Variants in CDHR1 observed in about 807,000 individuals in gnomAD.
CDHR1 encodes the protein cadherin-related family member 1.
In CDHR1, 61 loss-of-function variants were observed where a neutral mutation model predicts 72.1. That is an observed-to-expected ratio of 0.85 (90% CI 0.69 to 1.05). The LOEUF (loss-of-function observed/expected upper bound fraction) is 1.05, where lower values mean the gene tolerates loss of function less well. Ranked by LOEUF, CDHR1 falls within the 50% of genes least tolerant of loss-of-function variation. The probability of loss-of-function intolerance (pLI) is 0.00; values close to 1 mark genes in which losing one functional copy is unlikely to be tolerated. For missense variants in CDHR1, 1,186 were observed against 1,115.7 expected, an observed-to-expected ratio of 1.06 and a Z score of -0.90; for synonymous variants, 470 against 448.1, an observed-to-expected ratio of 1.05 and a Z score of -0.62.
chr10:84,211,150 C>A lies in CDHR1; in HGVS notation c.1470C>A (p.Ser490Arg), dbSNP rs150577739. ...CTGAGAACGCCCCAGGGGGCTCCAG[C>A]GTGGTGGCTGTCACAGTGGGTTGGG... ...RIPENAPGGS[S>R]VVAVTAVDPD... Residue 490 changes from serine to arginine, a missense_variant, in exon 13 of 17, where the codon AGC becomes AGA. By Grantham distance (110) the Ser-to-Arg change is moderately radical (BLOSUM62 -1). Transcript: ENST00000623527. 1 of 1,614,220 alleles carries A rather than the reference C, an allele frequency of 6.2e-7. No homozygotes were observed. The highest frequency in any genetic ancestry group is 8.5e-7 in the Non-Finnish European group (1 of 1,180,034).
chr10:84,214,802 C>T lies in CDHR1; in HGVS notation c.*181C>T. On this transcript the variant is annotated 3_prime_UTR_variant, in exon 17 of 17. Coordinates refer to ENST00000623527, the MANE Select transcript of CDHR1 (RefSeq NM_033100.4). ...GGCGCAACAAGAAGTTGCGCTCTGA[C>T]AGGGCTCTAGTCAGGGCCTTGGGCA... 1 of 1,533,880 alleles carries T rather than the reference C, an allele frequency of 6.5e-7. No individual in the cohort carries two copies. The highest frequency in any genetic ancestry group is 8.7e-7 in the Non-Finnish European group (1 of 1,147,770).
At position 84,216,419 on chromosome 10, in the gene CDHR1, G is replaced by A; in HGVS notation, c.*1798G>A. The A allele has an allele frequency of 1.0e-6, 1 of 985,506 alleles. No individual in the cohort carries two copies. 61.0% of individuals were successfully genotyped at this position (985,506 alleles called of 1,614,324 possible). On this transcript the variant is annotated 3_prime_UTR_variant, in exon 17 of 17. Coordinates refer to ENST00000623527, the MANE Select transcript of CDHR1 (RefSeq NM_033100.4). The stretch of plus-strand genomic sequence containing the variant: ...CTTTCCAGCCTGTGTTTCAGGAGAG[G>A]ACTGTGCTGGATCATGCTTGCCCTC...
intron 6 of CDHR1, among the ~76,000 whole-genome samples, chr10:84,201,534 G>A (rs1842125091): frequency 6.6e-6 from 1 of 152,226 alleles, no homozygotes; most frequent in Non-Finnish European, 1.5e-5. Context: ...GCCCAAAGCT[G>A]AGCCCAAGAA....
rs769259985 is a variant in CDHR1 at position 84,205,820 on chromosome 10, T to C, written c.863-7T>C. Reference sequence around the variant, plus strand: ...TGCAGAACTTCAGGGTGCATCTCCCTTGACAGGGAACGATGGAGCCTTTGA... The same window carrying C: ...TGCAGAACTTCAGGGTGCATCTCCCCTGACAGGGAACGATGGAGCCTTTGA... On this transcript the variant is annotated splice_region_variant and splice_polypyrimidine_tract_variant and intron_variant, in intron 9 of 16. Coordinates refer to ENST00000623527, the MANE Select transcript of CDHR1 (RefSeq NM_033100.4). 3 of 1,611,530 alleles carry C rather than the reference T, an allele frequency of 1.9e-6. No homozygotes were observed. The Admixed American group carries it at 5.0e-5, about 27-fold the overall frequency.
rs1404530470 is a variant in CDHR1, at chr10:84,204,555, T to C, written c.812T>C (p.Met271Thr). 1.2e-6 allele frequency: 2 copies of C among 1,613,898 alleles called. No individual in the cohort carries two copies. The highest frequency in any genetic ancestry group is 1.3e-5 in the African/African-American group (1 of 75,018). The change falls in exon 9 of 17, where the codon ATG becomes ACG. Residue 271 changes from methionine (M) to threonine (T), a missense_variant. Transcript: ENST00000623527. ...PGSEVLKVVA[M>T]DGDRGKPNRI... The stretch of plus-strand genomic sequence containing the variant: ...TCGGAGGTACTGAAGGTGGTCGCCA[T>C]GGATGGAGACCGGGGCAAACCCAAT...
Position 84,212,376 on chromosome 10 carries a change from C to T in CDHR1, c.1751C>T (p.Thr584Met), listed in dbSNP as rs754321329. ...TTTGGAAAGAGCGTTCAGAAGAAGA[C>T]GATGGTGCTAGGGACCCCAGTGAAA... ...PQFGKSVQKK[T>M]MVLGTPVKIE... The change falls in exon 15 of 17, where the codon ACG becomes ATG. Residue 584 changes from threonine to methionine, a missense_variant. Transcript: ENST00000623527. The T allele has an allele frequency of 8.6e-5, 139 of 1,614,034 alleles. 1 individual carries two copies. In the Admixed American group the frequency reaches 1.6e-3, roughly 18 times the overall value.
intron 13 of CDHR1, 63 bp from the exon 14 acceptor site, chr10:84,211,585 A>G: frequency 1.4e-6 from 2 of 1,440,748 alleles, no homozygotes; most frequent in Non-Finnish European, 2.0e-6. Flanking sequence ...CCCTCAGGGC[A>G]TGGGAGCTGC....
intron 4 of CDHR1, among the ~76,000 whole-genome samples, chr10:84,198,188 C>A (rs1842060528): frequency 6.6e-6 from 1 of 152,196 alleles, no homozygotes; most frequent in South Asian, 2.1e-4. Context: ...CACTTTCTCT[C>A]AGCGATCATC....
chr10:84,194,749 G>C lies in CDHR1; in HGVS notation c.-12G>C. The C allele has an allele frequency of 6.7e-7, 1 of 1,497,700 alleles. No individual in the cohort carries two copies. Among genetic ancestry groups the C allele is most frequent in the Non-Finnish European group, 8.8e-7 (1 of 1,132,320 alleles). 92.8% of individuals were successfully genotyped at this position (1,497,700 alleles called of 1,614,324 possible). A position where few individuals can be genotyped will look rare whatever the true frequency, so the allele number is the denominator to read the frequency against. ...TCGGCGGCGGCAGGCGACACTCCGCGCCGGCGGAGACATGAGGCGCTGCCG... is the reference window on the plus strand; with the variant it reads ...TCGGCGGCGGCAGGCGACACTCCGCCCCGGCGGAGACATGAGGCGCTGCCG... On this transcript the variant is annotated 5_prime_UTR_variant, in exon 1 of 17. Transcript: ENST00000623527.
At chr10:84,219,011 T>C, downstream of CDHR1, 3 of 670,206 alleles carry the variant, frequency 4.5e-6, no homozygotes, top group Middle Eastern at 6.3e-4. Context: ...CCCTATGAGG[T>C]AAGGACTGTT....
Position 84,199,109 on chromosome 10 carries a change from C to T in CDHR1, c.426C>T (p.Ala142=). ...GGTTCATCCAGGAGCCTTATGTTGC[C>T]CTGGTTCCCGAGGTAAGTGAGGAGC... ...APRFIQEPYV[A]LVPEDIPAGS... The change falls in exon 5 of 17, where the codon GCC becomes GCT. Residue 142 remains alanine, a synonymous_variant. Transcript: ENST00000623527. 2 of 1,551,212 alleles carry T rather than the reference C, an allele frequency of 1.3e-6. No homozygotes were observed. Among genetic ancestry groups the T allele is most frequent in the Non-Finnish European group, 1.7e-6 (2 of 1,146,956 alleles).
At position 84,214,135 on chromosome 10, in the gene CDHR1, C is replaced by G. The variant is rs2132836694; in HGVS notation, c.2094C>G (p.Pro698=). Reference sequence around the variant, plus strand: ...TCCTGATACAGACCAAGGACAACCCCATGAAGGCCGTGGGTGTGCTGGCCG... The same window carrying G: ...TCCTGATACAGACCAAGGACAACCCGATGAAGGCCGTGGGTGTGCTGGCCG... ...AAFLIQTKDN[P]MKAVGVLAGT... Residue 698 remains proline, a synonymous_variant, in exon 17 of 17, where the codon CCC becomes CCG. Coordinates refer to ENST00000623527, the MANE Select transcript of CDHR1 (RefSeq NM_033100.4). 1 of 1,614,218 alleles carries G rather than the reference C, an allele frequency of 6.2e-7. No homozygotes were observed. The highest frequency in any genetic ancestry group is 8.5e-7 in the Non-Finnish European group (1 of 1,180,042).
rs1045553636 is a variant in CDHR1, at chr10:84,216,118, G to A, written c.*1497G>A. On this transcript the variant is annotated 3_prime_UTR_variant, in exon 17 of 17. Coordinates refer to ENST00000623527, the MANE Select transcript of CDHR1 (RefSeq NM_033100.4). ...CCCTGCTTTAAGGAACCTGCTATCA[G>A]GAAATCTACATGTGTGCACAGAGAG... 1.0e-6 allele frequency: 1 copy of A among 985,294 alleles called. No homozygotes were observed. The allele number at this position is 985,294 out of a possible 1,614,324, so 61.0% of individuals were successfully genotyped here.
chr10:84,199,146 C>T (rs1246225431), intron 5 of CDHR1, 25 bp downstream of exon 5: 2 of 1,539,992 alleles, frequency 1.3e-6, no homozygotes, highest in South Asian at 2.4e-5. Context: ...GCTAGAGGGG[C>T]TGATTTTCCC....
Position 84,214,656 on chromosome 10 carries a change from C to G in CDHR1, c.*35C>G, listed in dbSNP as rs1286477720. Reference sequence around the variant, plus strand: ...TATGACCCCCCATCTTTCCTCCGCCCCTGACCCCCACCACCCTGCTGCTCG... The same window carrying G: ...TATGACCCCCCATCTTTCCTCCGCCGCTGACCCCCACCACCCTGCTGCTCG... On this transcript the variant is annotated 3_prime_UTR_variant, in exon 17 of 17. Coordinates refer to ENST00000623527, the MANE Select transcript of CDHR1 (RefSeq NM_033100.4). 1 of 1,599,122 alleles carries G rather than the reference C, an allele frequency of 6.3e-7. No homozygotes were observed. Among genetic ancestry groups the G allele is most frequent in the Non-Finnish European group, 8.5e-7 (1 of 1,179,662 alleles).
rs1458809284 is a variant in CDHR1 at position 84,204,595 on chromosome 10, C to G, written c.852C>G (p.Ser284Arg). ...DRGKPNRILY[S>R]LVNGNDGAFE... ...GCAAACCCAATCGAATTCTCTACAGCCTTGTAAATGGTGAGTCTGAGCAGC... is the reference window on the plus strand; with the variant it reads ...GCAAACCCAATCGAATTCTCTACAGGCTTGTAAATGGTGAGTCTGAGCAGC... Residue 284 changes from serine to arginine, a missense_variant, in exon 9 of 17, where the codon AGC (serine) becomes AGG (arginine). Transcript: ENST00000623527. 1 of 1,612,084 alleles carries G rather than the reference C, an allele frequency of 6.2e-7. No homozygotes were observed. The highest frequency in any genetic ancestry group is 8.5e-7 in the Non-Finnish European group (1 of 1,178,156).
rs553509835 is a variant in CDHR1 at position 84,217,814 on chromosome 10, A to G, written c.*3193A>G. The stretch of plus-strand genomic sequence containing the variant: ...GAGTGGAGGACAGGGCAGATGCCAC[A>G]GCATCTGTGGCCTGTGTAGCCGGCA... On this transcript the variant is annotated 3_prime_UTR_variant, in exon 17 of 17. Transcript: ENST00000623527. 17 of 985,470 alleles carry G rather than the reference A, an allele frequency of 1.7e-5. No individual in the cohort carries two copies. The South Asian group carries it at 6.1e-4, about 35-fold the overall frequency. 61.0% of individuals were successfully genotyped at this position (985,470 alleles called of 1,614,324 possible).
In CDHR1 at chr10:84,194,861, A is replaced by G. The variant is rs115146172; in HGVS notation, c.55+46A>G. On this transcript the variant is annotated intron_variant, in intron 1 of 16. Transcript: ENST00000623527. ...GCTGGCCGCGTGGATGGCGAGGGAG[A>G]TGGGCGCTGGCGTCACCCAGGTGGC... The G allele has an allele frequency of 3.0e-3, 4,558 of 1,518,048 alleles. 103 individuals are homozygous for G. In the African/African-American group the frequency reaches 0.053, roughly 18 times the overall value. 94.0% of individuals were successfully genotyped at this position (1,518,048 alleles called of 1,614,324 possible). A position where few individuals can be genotyped will look rare whatever the true frequency, so the allele number is the denominator to read the frequency against.
chr10:84,198,196 A>G (rs1842060826), intron 4 of CDHR1, among the ~76,000 whole-genome samples: 1 of 152,112 alleles, frequency 6.6e-6, no homozygotes, highest in African/African-American at 2.4e-5. Context: ...CTCAGCGATC[A>G]TCAGTGCTCA....
Sources: gnomAD v4.1 joint callset for allele counts (sites outside exome capture counted in the v4.1 genomes callset) on GRCh38, gnomAD v4.1.1 for gene constraint, MANE v1.5 for transcripts, NCBI Gene and HGNC (gene_info 2026-07-23, HGNC 2026-07-21) for gene names.